Variants in UBXN11 observed in about 807,000 individuals in gnomAD.
UBXN11 encodes the protein UBX domain protein 11.
A neutral mutation model predicts 62.8 loss-of-function variants in UBXN11; 47 were observed. The observed-to-expected ratio is 0.75, with a 90% CI of 0.59 to 0.95. The LOEUF is 0.95. UBXN11 is among the 40% of genes least tolerant of loss of function. The pLI is 0.00. For missense variants in UBXN11, 638 were observed against 661.7 expected (o/e 0.96, Z 0.39); for synonymous variants, 294 against 267.0 (o/e 1.10, Z -0.99).
chr1:26,300,528 T>C (rs933335810), intron 4 of UBXN11, among the ~76,000 whole-genome samples: 1 of 152,332 alleles, frequency 6.6e-6, no homozygotes, highest in African/African-American at 2.4e-5. Context: ...GGTGCCTCCA[T>C]GAGCTCAGCA....
At chr1:26,317,862 C>G (rs968383993) in intron 1 of UBXN11, 1 of 647,204 alleles carries the variant, frequency 1.5e-6, no homozygotes, top group South Asian at 1.8e-5. Flanking sequence ...GGAAGCCACA[C>G]CCCTCCTCCA....
Position 26,297,014 on chromosome 1 carries a change from A to G in UBXN11, c.356-19T>C. The G allele has an allele frequency of 6.3e-7, 1 of 1,590,534 alleles. No homozygotes were observed. The highest frequency in any genetic ancestry group is 1.8e-5 in the Admixed American group (1 of 56,846). On this transcript the variant is annotated intron_variant, in intron 6 of 14. Transcript: ENST00000374222. ...GCCTCGGCTTCAGGGAAAGACAGGG[A>G]CAGGCTTCAGCTGCCCCAGCAAGAC...
chr1:26,289,648 G>A (rs2073211783), intron 8 of UBXN11, among the ~76,000 whole-genome samples: 1 of 152,160 alleles, frequency 6.6e-6, no homozygotes, highest in South Asian at 2.1e-4. Context: ...CCATCCTCAG[G>A]CTCAGACTCA....
intron 8 of UBXN11, among the ~76,000 whole-genome samples, chr1:26,289,868 AG>A (rs1424517814): frequency 3.3e-5 from 5 of 152,200 alleles, no homozygotes; most frequent in African/African-American, 1.2e-4. Flanking sequence ...CGGCTGCAAC[AG>A]GAAGTGGAAC....
rs1210150895 is a variant in UBXN11 at position 26,285,912 on chromosome 1, T to C, written c.685A>G (p.Thr229Ala). The C allele has an allele frequency of 1.9e-6, 3 of 1,613,640 alleles. No homozygotes were observed. Residue 229 changes from threonine to alanine, a missense_variant, in exon 9 of 15, where the codon ACC (threonine) becomes GCC (alanine). Physicochemically the swap from Thr to Ala is moderately conservative, Grantham distance 58. Coordinates refer to ENST00000374222, the MANE Select transcript of UBXN11 (RefSeq NM_001389556.1). ...AGCTTCAGCGGGATGGGCTCGAGGG[T>C]ACGCAGCCGTGCCCCGCCGGGCACT... ...TPVPGGARLR[T>A]LEPIPLKLYR...
At chr1:26,297,593 G>A in intron 5 of UBXN11, 112 bp from the exon 6 acceptor site, 7 of 1,296,612 alleles carry the variant, frequency 5.4e-6, no homozygotes, top group Non-Finnish European at 7.2e-6. Flanking sequence ...GCAAGCCCCT[G>A]CCACCCTTTG....
Position 26,300,968 on chromosome 1 carries a change from G to A in UBXN11, c.157C>T (p.Pro53Ser), listed in dbSNP as rs374530189. Residue 53 changes from proline to serine, a missense_variant, in exon 4 of 15, where the codon CCT becomes TCT. Pro to Ser is a moderately conservative substitution (Grantham distance 74). Coordinates refer to ENST00000374222, the MANE Select transcript of UBXN11 (RefSeq NM_001389556.1). ...GCGSEEKISV[P>S]SCYGGIGAPV... ...GCACCTATGCCGCCATAGCAGGAAG[G>A]GACTGAGATCTTTTCTTCTGAGCCA... is the stretch of plus-strand genomic sequence containing the variant. The A allele has an allele frequency of 2.8e-5, 46 of 1,614,082 alleles. No individual in the cohort carries two copies. Among genetic ancestry groups the A allele is most frequent in the Admixed American group, 1.0e-4 (6 of 60,000 alleles).
chr1:26,287,988 G>A (rs1198519944), intron 8 of UBXN11, among the ~76,000 whole-genome samples: 1 of 150,074 alleles, frequency 6.7e-6, no homozygotes, highest in Non-Finnish European at 1.5e-5. Flanking sequence ...CTGCAACCGT[G>A]ACCTCCCGGG....
intron 6 of UBXN11, 146 bp downstream of exon 6, chr1:26,297,281 C>T (rs1377803572): frequency 1.0e-6 from 1 of 980,520 alleles, no homozygotes; most frequent in African/African-American, 1.6e-5. Flanking sequence ...TGCTGCAGCC[C>T]CTCTGTGGGC....
At chr1:26,305,377 A>G (rs551760292) in intron 1 of UBXN11, among the ~76,000 whole-genome samples, 33 of 152,306 alleles carry the variant, frequency 2.2e-4, no homozygotes, top group Non-Finnish European at 4.6e-4. Context: ...ACCTTCTTAC[A>G]GTGTAATTTT....
intron 8 of UBXN11, among the ~76,000 whole-genome samples, chr1:26,290,612 G>C (rs996325378): frequency 3.3e-5 from 5 of 152,170 alleles, no homozygotes; most frequent in African/African-American, 1.2e-4. Flanking sequence ...CAAGCCCAGG[G>C]GCAAGTCACG....
intron 4 of UBXN11, among the ~76,000 whole-genome samples, chr1:26,299,090 T>G (rs1355524284): frequency 6.6e-6 from 1 of 152,184 alleles, no homozygotes; most frequent in Non-Finnish European, 1.5e-5. Flanking sequence ...GGAAGGGTTT[T>G]CTTTGACTTA....
At chr1:26,283,457 T>A (rs748714784) in intron 12 of UBXN11, among the ~76,000 whole-genome samples, 1 of 152,060 alleles carries the variant, frequency 6.6e-6, no homozygotes, top group Non-Finnish European at 1.5e-5. Flanking sequence ...GGCCTGGCAA[T>A]ATAGGACGGG....
At chr1:26,306,832 G>GGGGGGGGT (rs2073680636), upstream of UBXN11, 4 of 84,566 alleles carry the variant, frequency 4.7e-5, 1 homozygote, top group Non-Finnish European at 5.3e-5. Context: ...GGCGGGGTGG[G>GGGGGGGGT]GGGGGGGGGT....
chr1:26,307,867 T>C (rs2073697146), upstream of UBXN11, among the ~76,000 whole-genome samples: 1 of 152,024 alleles, frequency 6.6e-6, no homozygotes, highest in Non-Finnish European at 1.5e-5. Flanking sequence ...GCTCAAGCCA[T>C]CCGCCCATCT....
At chr1:26,298,976 C>T (rs1048661478) in intron 4 of UBXN11, among the ~76,000 whole-genome samples, 2 of 152,096 alleles carry the variant, frequency 1.3e-5, no homozygotes, top group African/African-American at 4.8e-5. Context: ...ACCTGAGCCC[C>T]TGATGATGTC....
chr1:26,305,257 C>T (rs529091992), intron 1 of UBXN11, among the ~76,000 whole-genome samples: 42 of 152,274 alleles, frequency 2.8e-4, no homozygotes, highest in African/African-American at 8.9e-4. Context: ...TGAGCCACCC[C>T]ACCTGGCCCA....
At chr1:26,315,373 T>A (rs759755235) in intron 1 of UBXN11, among the ~76,000 whole-genome samples, 9 of 152,062 alleles carry the variant, frequency 5.9e-5, no homozygotes, top group Non-Finnish European at 1.2e-4. Flanking sequence ...TTCAGCAGAG[T>A]AATCTCAGAC....
In UBXN11 at chr1:26,298,065, G is replaced by A. The variant is rs755814676; in HGVS notation, c.200-3C>T. 4 of 1,612,122 alleles carry A rather than the reference G, an allele frequency of 2.5e-6. No homozygotes were observed. In the South Asian group the frequency reaches 4.4e-5, roughly 18 times the overall value. On this transcript the variant is annotated splice_region_variant and splice_polypyrimidine_tract_variant and intron_variant, in intron 4 of 14. Coordinates refer to ENST00000374222, the MANE Select transcript of UBXN11 (RefSeq NM_001389556.1). Reference sequence around the variant, plus strand: ...CTCCGAGTCATGGGATGCAGGGACTGCCAAGCACACAAAGTCTTTAGAGCC... The same window carrying A: ...CTCCGAGTCATGGGATGCAGGGACTACCAAGCACACAAAGTCTTTAGAGCC...
Sources: gnomAD v4.1 joint callset for allele counts (sites outside exome capture counted in the v4.1 genomes callset) on GRCh38, gnomAD v4.1.1 for gene constraint, MANE v1.5 for transcripts, NCBI Gene and HGNC (gene_info 2026-07-23, HGNC 2026-07-21) for gene names.